Variants in MCM3AP observed in about 807,000 individuals in gnomAD.
MCM3AP encodes the protein minichromosome maintenance complex component 3 associated protein.
In MCM3AP, 126 loss-of-function variants were observed where a neutral mutation model predicts 184.1. The ratio of observed to expected loss-of-function variants is 0.68; its 90% CI spans 0.59 to 0.79. The LOEUF (loss-of-function observed/expected upper bound fraction) is 0.79, where lower values mean the gene tolerates loss of function less well. Ranked by LOEUF, MCM3AP falls within the 30% of genes least tolerant of loss-of-function variation. The pLI is 0.00. For synonymous variants in MCM3AP, 1,002 were observed against 979.3 expected (o/e 1.02, Z -0.43); for missense variants, 2,496 against 2,479.2 (o/e 1.01, Z -0.14).
In MCM3AP at chr21:46,274,434, A is replaced by G. The variant is rs187655454; in HGVS notation, c.1998+752T>C. Among the ~76,000 whole-genome samples the G allele has an allele frequency of 1.1e-3, 169 of 152,358 alleles. 2 individuals are homozygous for G. Among genetic ancestry groups the G allele is most frequent in the Admixed American group, 7.1e-3 (109 of 15,308 alleles). On this transcript the variant is annotated intron_variant, in intron 6 of 27. Transcript: ENST00000291688. Reference sequence around the variant, plus strand: ...AGAACTAAAAATTTAGAAGCAGCCTATCTACTAATGGTAAAAATGCAGAGT... The same window carrying G: ...AGAACTAAAAATTTAGAAGCAGCCTGTCTACTAATGGTAAAAATGCAGAGT...
chr21:46,286,219 C>T (rs948630609), upstream of MCM3AP: 9 of 152,368 alleles, frequency 5.9e-5, no homozygotes, highest in African/African-American at 1.9e-4. Flanking sequence ...GGCGCAAGCA[C>T]AGGCTGCTGC....
chr21:46,254,552 T>C (rs771334167), intron 18 of MCM3AP, 26 bp from the exon 19 acceptor site: 2 of 1,613,626 alleles, frequency 1.2e-6, no homozygotes, highest in South Asian at 2.2e-5. Flanking sequence ...CACCGTGGAT[T>C]AGCCAGTGTG....
At chr21:46,245,565 T>G (rs2080752592) in intron 22 of MCM3AP, among the ~76,000 whole-genome samples, 1 of 152,252 alleles carries the variant, frequency 6.6e-6, no homozygotes, top group African/African-American at 2.4e-5. Context: ...CTTCACTATG[T>G]GCCAAGGTGC....
intron 2 of MCM3AP, among the ~76,000 whole-genome samples, chr21:46,283,378 A>G (rs1174353475): frequency 6.6e-6 from 1 of 152,246 alleles, no homozygotes; most frequent in Non-Finnish European, 1.5e-5. Context: ...CTTTCAGAAG[A>G]ATTTCACTTC....
intron 10 of MCM3AP, chr21:46,266,755 C>T (rs540207418): frequency 3.4e-4 from 179 of 533,386 alleles, no homozygotes; most frequent in Admixed American, 1.0e-3. Context: ...ATGAAAAGGA[C>T]TGATTTTGGA....
chr21:46,251,366 T>A, intron 20 of MCM3AP, 163 bp downstream of exon 20: 4 of 482,172 alleles, frequency 8.3e-6, no homozygotes, highest in Non-Finnish European at 1.0e-5. Flanking sequence ...TAAAAAAATT[T>A]TTTAAACGAC....
chr21:46,271,058 T>G (rs2081172630), intron 8 of MCM3AP, among the ~76,000 whole-genome samples: 1 of 152,188 alleles, frequency 6.6e-6, no homozygotes, highest in Admixed American at 6.5e-5. Context: ...AAAACTTAAC[T>G]CTTTTTGTTT....
In MCM3AP at chr21:46,285,388, G is replaced by C; in HGVS notation, c.-102C>G. On this transcript the variant is annotated 5_prime_UTR_variant, in exon 1 of 28. Transcript: ENST00000291688. ...ACTAGGGAGTTCCCCTTCGTCTTTA[G>C]AACAAGCTGAAAGAGAAAAATTCAG... is the stretch of plus-strand genomic sequence containing the variant. 2 of 758,038 alleles carry C rather than the reference G, an allele frequency of 2.6e-6. No individual in the cohort carries two copies. The highest frequency in any genetic ancestry group is 4.4e-6 in the Non-Finnish European group (2 of 451,314). 47.0% of individuals were successfully genotyped at this position (758,038 alleles called of 1,614,324 possible). A position where few individuals can be genotyped will look rare whatever the true frequency, so the allele number is the denominator to read the frequency against.
At chr21:46,249,063 G>C (rs2080826796) in intron 20 of MCM3AP, among the ~76,000 whole-genome samples, 1 of 152,168 alleles carries the variant, frequency 6.6e-6, no homozygotes, top group Non-Finnish European at 1.5e-5. Flanking sequence ...GTGTAACAAA[G>C]TGAATTTTTA....
intron 26 of MCM3AP, among the ~76,000 whole-genome samples, chr21:46,239,167 G>T (rs1458667965): frequency 6.6e-6 from 1 of 152,218 alleles, no homozygotes; most frequent in Non-Finnish European, 1.5e-5. Flanking sequence ...AGGAGCGGAG[G>T]TCAGAGAGGA....
rs369413211 is a variant in MCM3AP at position 46,265,421 on chromosome 21, G to A, written c.3134C>T (p.Pro1045Leu). The change falls in exon 12 of 28, where the codon CCT becomes CTT. Residue 1045 changes from proline to leucine, a missense_variant. By Grantham distance (98) the Pro-to-Leu change is moderately conservative. Transcript: ENST00000291688. ...APAPSPVPLP[P>L]VLALTPSVAP... is the part of the protein sequence containing the mutation. Reference sequence around the variant, plus strand: ...CACAGACGGGGTCAGTGCCAGGACAGGAGGCAGAGGCACTGGTGAGGGCGC... The same window carrying A: ...CACAGACGGGGTCAGTGCCAGGACAAGAGGCAGAGGCACTGGTGAGGGCGC... The A allele has an allele frequency of 6.2e-7, 1 of 1,613,924 alleles. No homozygotes were observed. Among genetic ancestry groups the A allele is most frequent in the African/African-American group, 1.3e-5 (1 of 74,928 alleles).
intron 17 of MCM3AP, among the ~76,000 whole-genome samples, chr21:46,255,716 TGACA>T (rs1037469902): frequency 1.3e-4 from 19 of 151,022 alleles, no homozygotes; most frequent in Non-Finnish European, 2.2e-4. Context: ...GGGCTGTCAG[TGACA>T]GACAGGGGTG....
intron 13 of MCM3AP, among the ~76,000 whole-genome samples, chr21:46,262,965 CAAAAAAAAAA>C (rs34666984): frequency 2.2e-4 from 10 of 45,744 alleles, no homozygotes; most frequent in African/African-American, 9.4e-4. Flanking sequence ...GACTCCGTCT[CAAAAAAAAAA>C]AAAAAAAAAA....
intron 7 of MCM3AP, 42 bp downstream of exon 7, chr21:46,273,346 T>A (rs972423946): frequency 1.3e-6 from 2 of 1,556,216 alleles, no homozygotes; most frequent in Non-Finnish European, 1.8e-6. Context: ...ACTTTGGAAT[T>A]TGCGTGGATT....
At chr21:46,237,349 C>A (rs1301597697) in intron 26 of MCM3AP, among the ~76,000 whole-genome samples, 1 of 152,026 alleles carries the variant, frequency 6.6e-6, no homozygotes, top group East Asian at 1.9e-4. Flanking sequence ...GTGATCCACC[C>A]ACCTCGGCCT....
intron 26 of MCM3AP, among the ~76,000 whole-genome samples, chr21:46,240,136 C>T (rs2080631317): frequency 6.6e-6 from 1 of 152,088 alleles, no homozygotes; most frequent in Non-Finnish European, 1.5e-5. Context: ...GAGAGATACT[C>T]ATTGAATGAA....
chr21:46,261,606 GC>G (rs1031468738), intron 13 of MCM3AP, among the ~76,000 whole-genome samples, 195 bp from the exon 14 acceptor site: 1 of 151,780 alleles, frequency 6.6e-6, no homozygotes, highest in Admixed American at 6.6e-5. Flanking sequence ...GGCAGCACAC[GC>G]CTGTAGCCCC....
chr21:46,235,405 G>A lies in MCM3AP; in HGVS notation c.5806C>T (p.Leu1936=), dbSNP rs780913938. 1.9e-6 allele frequency: 3 copies of A among 1,613,938 alleles called. No homozygotes were observed. Among genetic ancestry groups the A allele is most frequent in the Admixed American group, 3.3e-5 (2 of 59,988 alleles). ...SPQSDMMREQ[L]QLSEATGTCL... ...GTTCCTGTCGCCTCTGACAGCTGCAGTTGCTCCCTCATCATGTCACTCTAT... is the reference window on the plus strand; with the variant it reads ...GTTCCTGTCGCCTCTGACAGCTGCAATTGCTCCCTCATCATGTCACTCTAT... The change falls in exon 28 of 28, where the codon CTG becomes TTG. Residue 1936 remains leucine (L), a synonymous_variant. Coordinates refer to ENST00000291688, the MANE Select transcript of MCM3AP (RefSeq NM_003906.5).
chr21:46,245,101 G>T lies in MCM3AP; in HGVS notation c.4744C>A (p.His1582Asn). Residue 1582 changes from histidine (H) to asparagine (N), a missense_variant, in exon 23 of 28, where the codon CAT becomes AAT. Physicochemically the swap from His to Asn is moderately conservative, Grantham distance 68. Coordinates refer to ENST00000291688, the MANE Select transcript of MCM3AP (RefSeq NM_003906.5). ...LIQYVEDGIGHEFSGRFFHDR... is the reference protein window; with the variant it reads ...LIQYVEDGIGNEFSGRFFHDR... ...TGGAAAAAGCGGCCACTAAACTCAT[G>T]GCCAATCCCGTCTTCGACGTACTGA... 6.2e-7 allele frequency: 1 copy of T among 1,614,228 alleles called. No individual in the cohort carries two copies. Among genetic ancestry groups the T allele is most frequent in the Non-Finnish European group, 8.5e-7 (1 of 1,180,028 alleles).
Sources: allele counts gnomAD v4.1 joint callset (sites outside exome capture counted in the v4.1 genomes callset), GRCh38; gene constraint gnomAD v4.1.1; transcripts MANE v1.5; gene names NCBI Gene and HGNC (gene_info 2026-07-23, HGNC 2026-07-21).